PDE1C: variants seen among roughly 807,000 people sequenced by gnomAD.
PDE1C encodes dual specificity calcium/calmodulin-dependent 3',5'-cyclic nucleotide phosphodiesterase 1C.
PDE1C carries 62 observed loss-of-function variants against 93.1 expected under a neutral mutation model. That is an observed-to-expected ratio of 0.67 (90% CI 0.54 to 0.82). The LOEUF is 0.82. PDE1C is among the 40% of genes least tolerant of loss of function. The pLI is 0.00. For synonymous variants in PDE1C, 325 were observed against 310.1 expected, an observed-to-expected ratio of 1.05 and a Z score of -0.50; for missense variants, 742 against 884.6, an observed-to-expected ratio of 0.84 and a Z score of 2.04.
intron 5 of PDE1C, among the ~76,000 whole-genome samples, chr7:31,874,715 C>A (rs1796338768): frequency 6.6e-6 from 1 of 152,242 alleles, no homozygotes; most frequent in Non-Finnish European, 1.5e-5. Flanking sequence ...TTAGTGGTAA[C>A]CTCACTTAAG....
At chr7:31,688,650 T>C in the PDE1C span, among the ~76,000 whole-genome samples, 6 of 152,246 alleles carry the variant, frequency 3.9e-5, no homozygotes, top group African/African-American at 1.4e-4. Flanking sequence ...CTGCTCTTAG[T>C]GGTATTTGCA....
chr7:31,807,603 T>G (rs1400377018), intron 16 of PDE1C, among the ~76,000 whole-genome samples: 2 of 151,930 alleles, frequency 1.3e-5, no homozygotes, highest in Non-Finnish European at 2.9e-5. Context: ...TGGGACTTGA[T>G]TTATTCTGGG....
At chr7:32,045,208 C>T (rs868489625) in intron 2 of PDE1C, among the ~76,000 whole-genome samples, 37 of 152,030 alleles carry the variant, frequency 2.4e-4, no homozygotes, top group Middle Eastern at 3.4e-3. Flanking sequence ...CTTCCCCCAC[C>T]CCCAGCCATG....
At chr7:31,707,084 A>G in the PDE1C span, 227 of 829,140 alleles carry the variant, frequency 2.7e-4, no homozygotes, top group Non-Finnish European at 9.7e-5. Context: ...TTAGCAGGTA[A>G]CCTTGTAGAC....
chr7:32,157,298 T>C (rs1466561263), intron 3 of PDE1C, among the ~76,000 whole-genome samples: 1 of 152,150 alleles, frequency 6.6e-6, no homozygotes, highest in African/African-American at 2.4e-5. Context: ...TAATTAACAA[T>C]AACATATTGT....
intron 1 of PDE1C, among the ~76,000 whole-genome samples, chr7:32,339,163 TA>T (rs559786355): frequency 1.8e-4 from 27 of 152,274 alleles, no homozygotes; most frequent in Non-Finnish European, 2.9e-4. Context: ...ACCTTGATGA[TA>T]TTATGTAAAA....
intron 1 of PDE1C, among the ~76,000 whole-genome samples, chr7:32,273,505 A>G (rs576678927): frequency 6.6e-6 from 1 of 152,314 alleles, no homozygotes; most frequent in South Asian, 2.1e-4. Context: ...TATCACAGTA[A>G]GGGGAACTGG....
intron 1 of PDE1C, among the ~76,000 whole-genome samples, chr7:32,357,598 G>A (rs1784056754): frequency 6.6e-6 from 1 of 152,146 alleles, no homozygotes; most frequent in Non-Finnish European, 1.5e-5. Context: ...GGCTAAACCG[G>A]GTGCCCAGCT....
At chr7:31,908,069 T>C (rs1460803357) in intron 2 of PDE1C, among the ~76,000 whole-genome samples, 3 of 152,178 alleles carry the variant, frequency 2.0e-5, no homozygotes, top group Admixed American at 2.0e-4. Flanking sequence ...TTATCTTGAC[T>C]TCATTTAAAT....
At chr7:31,989,046 G>C (rs1214798840) in intron 2 of PDE1C, among the ~76,000 whole-genome samples, 2 of 104,290 alleles carry the variant, frequency 1.9e-5, no homozygotes, top group African/African-American at 3.6e-5. Flanking sequence ...AGAAAGGAAA[G>C]AAAGAGAAAA....
At chr7:32,333,887 G>T (rs1224160916) in intron 1 of PDE1C, among the ~76,000 whole-genome samples, 1 of 152,254 alleles carries the variant, frequency 6.6e-6, no homozygotes, top group Non-Finnish European at 1.5e-5. Context: ...GAGGATTAAG[G>T]GTTAGGCCTT....
At chr7:32,207,570 A>G (rs1805678106) in intron 2 of PDE1C, among the ~76,000 whole-genome samples, 1 of 152,166 alleles carries the variant, frequency 6.6e-6, no homozygotes, top group African/African-American at 2.4e-5. Context: ...CTCACGTGCC[A>G]TCTGACTTTT....
intron 1 of PDE1C, among the ~76,000 whole-genome samples, chr7:32,366,562 G>T (rs901922000): frequency 3.9e-5 from 6 of 152,170 alleles, no homozygotes; most frequent in African/African-American, 1.4e-4. Flanking sequence ...TTTAAGTCCA[G>T]GAAGATCAAA....
chr7:31,678,132 T>C, the PDE1C span, among the ~76,000 whole-genome samples: 1 of 152,104 alleles, frequency 6.6e-6, no homozygotes, highest in East Asian at 1.9e-4. Context: ...AAAAAGTAGA[T>C]TTGAAGCTCA....
At chr7:31,918,135 T>C (rs532639018) in intron 2 of PDE1C, among the ~76,000 whole-genome samples, 1 of 152,288 alleles carries the variant, frequency 6.6e-6, no homozygotes, top group African/African-American at 2.4e-5. Flanking sequence ...GCTACCAATT[T>C]TTTTAACATG....
chr7:31,894,508 T>A (rs1317865308), intron 2 of PDE1C, among the ~76,000 whole-genome samples: 1 of 152,246 alleles, frequency 6.6e-6, no homozygotes, highest in Non-Finnish European at 1.5e-5. Context: ...ATGAACCATC[T>A]GCACCAAGCC....
At chr7:32,043,909 G>A (rs1054541849) in intron 2 of PDE1C, among the ~76,000 whole-genome samples, 1 of 152,308 alleles carries the variant, frequency 6.6e-6, no homozygotes, top group East Asian at 1.9e-4. Flanking sequence ...CCATTTGAAA[G>A]TATGAGTCAC....
intron 1 of PDE1C, among the ~76,000 whole-genome samples, chr7:32,336,120 A>G (rs1043798066): frequency 6.6e-6 from 1 of 152,364 alleles, no homozygotes; most frequent in Middle Eastern, 3.4e-3. Flanking sequence ...GGAAATGAGC[A>G]TAGAAAGTGG....
At chr7:31,918,063 G>T (rs1372706121) in intron 2 of PDE1C, among the ~76,000 whole-genome samples, 1 of 152,046 alleles carries the variant, frequency 6.6e-6, no homozygotes, top group Non-Finnish European at 1.5e-5. Flanking sequence ...GGGTGATTAG[G>T]TCTCCTTAAT....
Sources: allele counts gnomAD v4.1 joint callset (sites outside exome capture counted in the v4.1 genomes callset), GRCh38; gene constraint gnomAD v4.1.1; transcripts MANE v1.5; gene names NCBI Gene and HGNC (gene_info 2026-07-23, HGNC 2026-07-21).